The following WWOX variants were observed in gnomAD, a reference collection of about 807,000 sequenced individuals.
The protein encoded by WWOX is WW domain-containing oxidoreductase.
In WWOX, 69 loss-of-function variants were observed where a neutral mutation model predicts 46.2. That is an observed-to-expected ratio of 1.49 (90% CI 1.23 to 1.82). The LOEUF is 1.82. Ranked by LOEUF, WWOX falls within the 40% of genes most tolerant of loss-of-function variation. The pLI, the probability that WWOX is intolerant of heterozygous loss-of-function variation, is 0.00. For synonymous variants in WWOX, 359 were observed against 202.6 expected (o/e 1.77, Z -6.56); for missense variants, 919 against 542.6 (o/e 1.69, Z -6.89).
intron 8 of WWOX, among the ~76,000 whole-genome samples, chr16:79,000,973 T>C (rs2047081067): frequency 6.6e-6 from 1 of 152,170 alleles, no homozygotes; most frequent in Non-Finnish European, 1.5e-5. Flanking sequence ...ATGAGATTCC[T>C]AGGGCCTACC....
chr16:78,799,714 A>G (rs757155330), intron 8 of WWOX, among the ~76,000 whole-genome samples: 4 of 152,162 alleles, frequency 2.6e-5, no homozygotes, highest in Non-Finnish European at 5.9e-5. Flanking sequence ...ATATTGTCCA[A>G]AAACCTTCTC....
At chr16:78,679,117 G>C (rs1282556999) in intron 8 of WWOX, among the ~76,000 whole-genome samples, 1 of 152,206 alleles carries the variant, frequency 6.6e-6, no homozygotes, top group Non-Finnish European at 1.5e-5. Context: ...GGAGACACCA[G>C]CGTCTTGGAC....
At chr16:79,122,480 T>C (rs1222550999) in intron 8 of WWOX, among the ~76,000 whole-genome samples, 2 of 152,078 alleles carry the variant, frequency 1.3e-5, no homozygotes, top group Non-Finnish European at 2.9e-5. Context: ...TCTTTCCTTC[T>C]CTTGCTATTT....
Position 78,912,971 on chromosome 16 carries a change from G to A in WWOX, c.1057-298637G>A, listed in dbSNP as rs553133298. 2.3e-3 allele frequency among the ~76,000 whole-genome samples: 352 copies of A among 152,072 alleles called. 7 individuals are homozygous for A. The highest frequency in any genetic ancestry group is 3.8e-3 in the Non-Finnish European group (258 of 67,990). On this transcript the variant is annotated intron_variant, in intron 8 of 8. Transcript: ENST00000566780. ...CGGTCCATTCTGAGGGCTCCACAAA[G>A]AACTCGGCATCCCAGAAGGATGATT... is the stretch of plus-strand genomic sequence containing the variant.
intron 8 of WWOX, chr16:78,872,643 AC>A (rs1226949251): frequency 5.9e-5 from 9 of 152,148 alleles, no homozygotes; most frequent in South Asian, 2.1e-4. Context: ...CCTTTTGCTT[AC>A]CTCACATTTG....
intron 8 of WWOX, among the ~76,000 whole-genome samples, chr16:79,053,515 C>T (rs566590428): frequency 5.7e-4 from 87 of 152,246 alleles, no homozygotes; most frequent in African/African-American, 1.9e-3. Flanking sequence ...TGTGTTGCTA[C>T]GGCTTGACTT....
At chr16:78,169,405 G>A (rs1043617746) in intron 5 of WWOX, among the ~76,000 whole-genome samples, 7 of 151,744 alleles carry the variant, frequency 4.6e-5, no homozygotes, top group Non-Finnish European at 1.0e-4. Flanking sequence ...ATTGGAGTTG[G>A]GCTTCTGTTG....
chr16:78,328,906 G>C (rs1454012026), intron 5 of WWOX, among the ~76,000 whole-genome samples: 2 of 151,584 alleles, frequency 1.3e-5, no homozygotes, highest in Non-Finnish European at 2.9e-5. Flanking sequence ...CTGTCTTCCA[G>C]GCTGGAGTGC....
intron 8 of WWOX, among the ~76,000 whole-genome samples, chr16:78,770,089 T>A (rs1280237291): frequency 6.6e-6 from 1 of 151,870 alleles, no homozygotes; most frequent in Non-Finnish European, 1.5e-5. Context: ...TGGTGGGTCA[T>A]GCATGTAATC....
chr16:78,625,901 T>A (rs1042494413), intron 8 of WWOX, among the ~76,000 whole-genome samples: 9 of 149,598 alleles, frequency 6.0e-5, no homozygotes, highest in African/African-American at 2.2e-4. Flanking sequence ...ACTTAAAACT[T>A]AAGTTTTTAA....
At chr16:79,101,146 G>A (rs1414662949) in intron 8 of WWOX, 1 of 152,176 alleles carries the variant, frequency 6.6e-6, no homozygotes, top group Non-Finnish European at 1.5e-5. Flanking sequence ...AAGGACAAAT[G>A]GAGAAAAGTC....
intron 8 of WWOX, chr16:78,996,355 G>C (rs1020402190): frequency 3.1e-6 from 3 of 959,598 alleles, no homozygotes; most frequent in African/African-American, 3.6e-5. Context: ...AATAGAAAGA[G>C]TGTGAGTGAA....
intron 8 of WWOX, among the ~76,000 whole-genome samples, chr16:79,155,078 CT>C (rs1303533799): frequency 6.6e-6 from 1 of 152,208 alleles, no homozygotes; most frequent in Non-Finnish European, 1.5e-5. Context: ...CACTGGCAAG[CT>C]TTTGCTTAAG....
At position 78,675,030 on chromosome 16, in the gene WWOX, T is replaced by A. The variant is rs141836828; in HGVS notation, c.1056+242278T>A. Reference sequence around the variant, plus strand: ...TAAATATTTGTGTTAATATTATATATGTACATTACATGGTAAGTGCTAAGT... The same window carrying A: ...TAAATATTTGTGTTAATATTATATAAGTACATTACATGGTAAGTGCTAAGT... On this transcript the variant is annotated intron_variant, in intron 8 of 8. Transcript: ENST00000566780. Among the ~76,000 whole-genome samples, 335 of 152,330 alleles carry A rather than the reference T, an allele frequency of 2.2e-3. 1 individual carries two copies. The highest frequency in any genetic ancestry group is 7.7e-3 in the African/African-American group (319 of 41,578).
rs10632658 is a variant in WWOX, at chr16:79,019,187, A to G, written c.1057-192421A>G. Among the ~76,000 whole-genome samples, 5 of 81,858 alleles carry G rather than the reference A, an allele frequency of 6.1e-5. 1 individual carries two copies. Among genetic ancestry groups the G allele is most frequent in the East Asian group, 3.6e-4 (1 of 2,744 alleles). The allele number at this position is 81,858 out of a possible 152,430, so 53.7% of individuals were successfully genotyped here. On this transcript the variant is annotated intron_variant, in intron 8 of 8. Transcript: ENST00000566780. The stretch of plus-strand genomic sequence containing the variant: ...AAAAAAAAAAAAAAAAAAAAAAAAG[A>G]AAAAAAAAAGTTGGAATGACATCAG...
chr16:78,346,058 C>A (rs2081089589), intron 5 of WWOX, among the ~76,000 whole-genome samples: 1 of 121,118 alleles, frequency 8.3e-6, no homozygotes, highest in South Asian at 2.4e-4. Flanking sequence ...TCCAGGAAAA[C>A]CCTGGTCTGT....
intron 8 of WWOX, among the ~76,000 whole-genome samples, chr16:79,112,402 A>G (rs931954301): frequency 6.6e-6 from 1 of 152,130 alleles, no homozygotes; most frequent in Non-Finnish European, 1.5e-5. Flanking sequence ...CTTTGCTCAT[A>G]CCCTGGACCA....
intron 5 of WWOX, among the ~76,000 whole-genome samples, chr16:78,207,692 A>G (rs1044871076): frequency 6.8e-6 from 1 of 147,972 alleles, no homozygotes; most frequent in African/African-American, 2.5e-5. Context: ...TGCTGGGATG[A>G]TGAGGCTGCA....
intron 8 of WWOX, among the ~76,000 whole-genome samples, chr16:78,790,516 G>T (rs2050567951): frequency 6.6e-6 from 1 of 152,154 alleles, no homozygotes; most frequent in Admixed American, 6.5e-5. Context: ...AACTTTAAGA[G>T]TTCAGCCAAA....
Sources: allele counts gnomAD v4.1 joint callset (sites outside exome capture counted in the v4.1 genomes callset), GRCh38; gene constraint gnomAD v4.1.1; transcripts MANE v1.5; gene names NCBI Gene and HGNC (gene_info 2026-07-23, HGNC 2026-07-21).